SOX30: variants seen among roughly 807,000 people sequenced by gnomAD.
The protein encoded by SOX30 is SRY-box transcription factor 30, also known as transcription factor SOX-30.
SOX30 carries 17 observed loss-of-function variants against 58.6 expected under a neutral mutation model. The ratio of observed to expected loss-of-function variants is 0.29; its 90% CI spans 0.20 to 0.44. The LOEUF (loss-of-function observed/expected upper bound fraction) is 0.44, where lower values mean the gene tolerates loss of function less well. Among genes scored for constraint, SOX30 ranks in the 20% least tolerant of loss-of-function variants. The probability of loss-of-function intolerance (pLI) is 1.00; values close to 1 mark genes in which losing one functional copy is unlikely to be tolerated. For synonymous variants in SOX30, 421 were observed against 400.2 expected, an observed-to-expected ratio of 1.05 and a Z score of -0.62; for missense variants, 951 against 965.8, an observed-to-expected ratio of 0.98 and a Z score of 0.20.
intron 3 of SOX30, among the ~76,000 whole-genome samples, chr5:157,640,876 C>T (rs1193644063): frequency 6.6e-6 from 1 of 152,150 alleles, no homozygotes; most frequent in African/African-American, 2.4e-5. Flanking sequence ...ACTCAGCTAC[C>T]TCATGCATTA....
chr5:157,647,365 T>A, intron 2 of SOX30, among the ~76,000 whole-genome samples: 1 of 151,294 alleles, frequency 6.6e-6, no homozygotes, highest in Middle Eastern at 3.4e-3. Context: ...TGGCCAAGGG[T>A]CAAATGTTTT....
intron 3 of SOX30, 104 bp from the exon 4 acceptor site, chr5:157,638,826 A>G: frequency 8.9e-7 from 1 of 1,124,094 alleles, no homozygotes; most frequent in Non-Finnish European, 1.3e-6. Flanking sequence ...GCCTTCATCA[A>G]TCACCTTACC....
At chr5:157,657,303 A>T (rs144763184), upstream of SOX30, among the ~76,000 whole-genome samples, 76 of 152,336 alleles carry the variant, frequency 5.0e-4, 1 homozygote, top group East Asian at 8.3e-3. Flanking sequence ...AAATCATTGT[A>T]TACCACAGAA....
Position 157,626,508 on chromosome 5 carries a change from G to A in SOX30, c.2094C>T (p.Asn698=), listed in dbSNP as rs773683698. ...CENMNGTSYY[N]SHSHSGEENL... Reference sequence around the variant, plus strand: ...TTTCTTCCCCACTGTGGCTATGACTGTTATAGTAAGAAGTTCCATTCATGT... The same window carrying A: ...TTTCTTCCCCACTGTGGCTATGACTATTATAGTAAGAAGTTCCATTCATGT... The change falls in exon 5 of 5, where the codon AAC becomes AAT. Residue 698 remains asparagine (N), a synonymous_variant. Coordinates refer to ENST00000265007, the MANE Select transcript of SOX30 (RefSeq NM_178424.2). 4.3e-6 allele frequency: 7 copies of A among 1,614,166 alleles called. No homozygotes were observed. In the Admixed American group the frequency reaches 1.0e-4, roughly 23 times the overall value.
At position 157,638,671 on chromosome 5, in the gene SOX30, C is replaced by T; in HGVS notation, c.1439G>A (p.Ser480Asn). 3 of 1,614,080 alleles carry T rather than the reference C, an allele frequency of 1.9e-6. No homozygotes were observed. The highest frequency in any genetic ancestry group is 1.1e-5 in the South Asian group (1 of 91,056). The change falls in exon 4 of 5, where the codon AGC becomes AAC. Residue 480 changes from serine (S) to asparagine (N), a missense_variant. Ser to Asn is a conservative substitution (Grantham distance 46). Coordinates refer to ENST00000265007, the MANE Select transcript of SOX30 (RefSeq NM_178424.2). ...QLPTPAVQSP[S>N]PVTLFQPSVS... ...GCTGGGCTGGAAAAGTGTGACAGGG[C>T]TTGGGCTCTGGACTGCAGGTGTGGG... is the stretch of plus-strand genomic sequence containing the variant.
Position 157,651,974 on chromosome 5 carries a change from C to G in SOX30, c.105G>C (p.Glu35Asp), listed in dbSNP as rs767435597. The G allele has an allele frequency of 1.4e-6, 2 of 1,453,652 alleles. No homozygotes were observed. The highest frequency in any genetic ancestry group is 2.6e-5 in the Admixed American group (1 of 38,612). The allele number at this position is 1,453,652 out of a possible 1,614,324, so 90.0% of individuals were successfully genotyped here. Residue 35 changes from glutamate (E) to aspartate (D), a missense_variant, in exon 1 of 5, where the codon GAG (glutamate) becomes GAC (aspartate). Glu to Asp is a conservative substitution (Grantham distance 45, BLOSUM62 2). Coordinates refer to ENST00000265007, the MANE Select transcript of SOX30 (RefSeq NM_178424.2). ...EGTSFWAAAMEPPPSSPTLSA... is the reference protein window; with the variant it reads ...EGTSFWAAAMDPPPSSPTLSA... ...TCAGTGTGGGAGACGACGGAGGGGG[C>G]TCCATGGCTGCTGCCCAAAAGGAGG...
Position 157,638,308 on chromosome 5 carries a change from G to C in SOX30, c.1802C>G (p.Ala601Gly), listed in dbSNP as rs1403926234. The C allele has an allele frequency of 1.2e-6, 2 of 1,607,582 alleles. No individual in the cohort carries two copies. The highest frequency in any genetic ancestry group is 8.5e-7 in the Non-Finnish European group (1 of 1,176,334). Residue 601 changes from alanine to glycine, a missense_variant, in exon 4 of 5, where the codon GCC becomes GGC. Physicochemically the swap from Ala to Gly is moderately conservative, Grantham distance 60 (BLOSUM62 0). Transcript: ENST00000265007. ...VYQPPPLGHP[A>G]TLFGTPPRFS... ...TCTTGGTGGTGTCCCGAACAGTGTG[G>C]CTGGATGGCCAAGGGGAGGGGGCTG...
chr5:157,661,035 T>G (rs933857687), intron 2 of SOX30, among the ~76,000 whole-genome samples: 1 of 152,256 alleles, frequency 6.6e-6, no homozygotes, highest in African/African-American at 2.4e-5. Context: ...TAACTTTATT[T>G]CTAAATCCTT....
chr5:157,663,328 A>G (rs1237622146), intron 2 of SOX30, among the ~76,000 whole-genome samples: 1 of 152,236 alleles, frequency 6.6e-6, no homozygotes, highest in African/African-American at 2.4e-5. Context: ...AATCCAGCAT[A>G]TAAACAGAGC....
At chr5:157,647,824 G>A (rs1426682633) in intron 2 of SOX30, among the ~76,000 whole-genome samples, 2 of 151,792 alleles carry the variant, frequency 1.3e-5, no homozygotes. Flanking sequence ...CTCCCAAAGT[G>A]CTGGGATTAC....
chr5:157,653,889 G>T (rs1759419137), upstream of SOX30, among the ~76,000 whole-genome samples: 1 of 152,166 alleles, frequency 6.6e-6, no homozygotes, highest in Non-Finnish European at 1.5e-5. Flanking sequence ...ATCCTGGGCT[G>T]GGCGTGGTGG....
Position 157,651,830 on chromosome 5 carries a change from C to A in SOX30, c.249G>T (p.Gln83His). 6.3e-7 allele frequency: 1 copy of A among 1,586,906 alleles called. No homozygotes were observed. Among genetic ancestry groups the A allele is most frequent in the Admixed American group, 1.7e-5 (1 of 57,178 alleles). ...VKPEQVLLLP[Q>H]PQAQNEEAAA... is the part of the protein sequence containing the mutation. Reference sequence around the variant, plus strand: ...CGGCTTCCTCGTTCTGGGCCTGAGGCTGTGGTAGCAGCAACACCTGCTCTG... The same window carrying A: ...CGGCTTCCTCGTTCTGGGCCTGAGGATGTGGTAGCAGCAACACCTGCTCTG... The change falls in exon 1 of 5, where the codon CAG becomes CAT. Residue 83 changes from glutamine to histidine, a missense_variant. Coordinates refer to ENST00000265007, the MANE Select transcript of SOX30 (RefSeq NM_178424.2).
rs1759328367 is a variant in SOX30, at chr5:157,651,321, G to T, written c.758C>A (p.Pro253Gln). ...AGGGATCCTAAGGTCTTGCTGGTGC[G>T]GCCCAAAGGCACCGGACGTTGGGGC... ...ILAPTSGAFG[P>Q]HQQDLRIPLT... Residue 253 changes from proline (P) to glutamine (Q), a missense_variant, in exon 1 of 5, where the codon CCG becomes CAG. Around this residue, in one of 7 missense-constraint regions of SOX30, gnomAD observed 84 missense variants for 68.2 expected, o/e 1.23. Transcript: ENST00000265007. 1.9e-6 allele frequency: 3 copies of T among 1,614,072 alleles called. No homozygotes were observed. Among genetic ancestry groups the T allele is most frequent in the Non-Finnish European group, 2.5e-6 (3 of 1,180,030 alleles).
Position 157,652,169 on chromosome 5 carries a change from C to T in SOX30, c.-91G>A. On this transcript the variant is annotated 5_prime_UTR_variant, in exon 1 of 5. Coordinates refer to ENST00000265007, the MANE Select transcript of SOX30 (RefSeq NM_178424.2). ...CCTTTCGGTTAAGAGCCTTGCAAGG[C>T]CTTTGCTACCCAGAACCCTACGCGG... 1.5e-6 allele frequency: 2 copies of T among 1,371,276 alleles called. No individual in the cohort carries two copies. The highest frequency in any genetic ancestry group is 1.9e-6 in the Non-Finnish European group (2 of 1,071,030). The allele number at this position is 1,371,276 out of a possible 1,614,324, so 84.9% of individuals were successfully genotyped here.
At chr5:157,668,098 G>A (rs111663116) in intron 1 of SOX30, among the ~76,000 whole-genome samples, 8 of 152,334 alleles carry the variant, frequency 5.3e-5, no homozygotes, top group African/African-American at 1.9e-4. Context: ...TTCATTATGA[G>A]CACAGAGTTT....
intron 4 of SOX30, 60 bp downstream of exon 4, chr5:157,638,170 T>A: frequency 6.9e-7 from 1 of 1,450,324 alleles, no homozygotes; most frequent in Non-Finnish European, 9.3e-7. Context: ...AAAAATGTTG[T>A]CACAGGTAAA....
chr5:157,634,392 T>C (rs905650961), intron 4 of SOX30, among the ~76,000 whole-genome samples: 1 of 152,018 alleles, frequency 6.6e-6, no homozygotes, highest in Non-Finnish European at 1.5e-5. Context: ...TAAAAAAATT[T>C]TGGGGGTAGA....
At chr5:157,667,928 A>G in intron 1 of SOX30, 1 of 1,443,270 alleles carries the variant, frequency 6.9e-7, no homozygotes, top group Non-Finnish European at 9.3e-7. Flanking sequence ...TACCTCATTC[A>G]TTCCCCACAA....
chr5:157,655,744 C>T (rs560658517), upstream of SOX30, among the ~76,000 whole-genome samples: 77 of 152,232 alleles, frequency 5.1e-4, no homozygotes, highest in African/African-American at 1.7e-3. Flanking sequence ...GCAATGCTGT[C>T]GTCTCTCTCT....
Sources: allele counts gnomAD v4.1 joint callset (sites outside exome capture counted in the v4.1 genomes callset), GRCh38; gene constraint gnomAD v4.1.1; regional missense constraint gnomAD v4.1.1; transcripts MANE v1.5; gene names NCBI Gene and HGNC (gene_info 2026-07-23, HGNC 2026-07-21).